The following CD86 variants were observed in gnomAD, a reference collection of about 807,000 sequenced individuals.
The protein encoded by CD86 is T-lymphocyte activation antigen CD86.
CD86 carries 11 observed loss-of-function variants against 32.1 expected under a neutral mutation model. That is an observed-to-expected ratio of 0.34 (90% confidence interval 0.22 to 0.57). CD86 has a LOEUF of 0.57. CD86 is among the 20% of genes least tolerant of loss of function. The pLI, the probability that CD86 is intolerant of heterozygous loss-of-function variation, is 0.86. For synonymous variants in CD86, 137 were observed against 135.3 expected, an observed-to-expected ratio of 1.01 and a Z score of -0.09; for missense variants, 359 against 398.4, an observed-to-expected ratio of 0.90 and a Z score of 0.84.
chr3:122,082,145 C>T (rs185820878), intron 1 of CD86, among the ~76,000 whole-genome samples: 77 of 152,306 alleles, frequency 5.1e-4, no homozygotes, highest in African/African-American at 1.5e-3. Context: ...TGTGTTATCA[C>T]CCCCACTTTG....
chr3:122,065,136 A>G (rs2681408), intron 1 of CD86, among the ~76,000 whole-genome samples: 120,849 of 152,074 alleles, frequency 0.79, 49,334 homozygotes, highest in Non-Finnish European at 0.89. Context: ...CAACACAACC[A>G]GGATTCCAAA....
intron 5 of CD86, among the ~76,000 whole-genome samples, chr3:122,114,499 G>A (rs888577743): frequency 1.3e-5 from 2 of 152,168 alleles, no homozygotes; most frequent in African/African-American, 4.8e-5. Context: ...GCTCTAGTTT[G>A]CTGCCTGGAG....
intron 1 of CD86, among the ~76,000 whole-genome samples, chr3:122,089,824 C>G (rs1341964850): frequency 1.3e-5 from 2 of 152,064 alleles, no homozygotes; most frequent in African/African-American, 4.8e-5. Context: ...TATTGTCATC[C>G]AATAGAATAC....
intron 4 of CD86, among the ~76,000 whole-genome samples, chr3:122,108,933 G>A (rs919392780): frequency 6.6e-6 from 1 of 152,196 alleles, no homozygotes; most frequent in Non-Finnish European, 1.5e-5. Flanking sequence ...ATGACTGCAC[G>A]TGCAGAGCCT....
intron 1 of CD86, among the ~76,000 whole-genome samples, chr3:122,075,776 G>A (rs1412736595): frequency 2.0e-5 from 3 of 152,060 alleles, no homozygotes; most frequent in Admixed American, 6.6e-5. Context: ...ATCATTCTAC[G>A]TTACAGCATT....
intron 1 of CD86, among the ~76,000 whole-genome samples, chr3:122,062,279 TG>T (rs1292974604): frequency 6.6e-6 from 1 of 152,116 alleles, no homozygotes; most frequent in African/African-American, 2.4e-5. Flanking sequence ...GGAATATGAA[TG>T]GGGAGAACAT....
chr3:122,077,051 G>A (rs774395175), intron 1 of CD86, among the ~76,000 whole-genome samples: 33 of 152,176 alleles, frequency 2.2e-4, no homozygotes, highest in Non-Finnish European at 2.9e-5. Context: ...ACAGGACACA[G>A]CTAGCCTCCA....
chr3:122,076,654 AC>A (rs1450422729), intron 1 of CD86, among the ~76,000 whole-genome samples: 1 of 152,162 alleles, frequency 6.6e-6, no homozygotes, highest in African/African-American at 2.4e-5. Flanking sequence ...CTGTTTACAG[AC>A]CTCTGTAGTG....
rs1476696945 is a variant in CD86, at chr3:122,118,056, A to T, written c.856A>T (p.Thr286Ser). 1 of 1,613,430 alleles carries T rather than the reference A, an allele frequency of 6.2e-7. No homozygotes were observed. Among genetic ancestry groups the T allele is most frequent in the African/African-American group, 1.3e-5 (1 of 75,030 alleles). Residue 286 changes from threonine to serine, a missense_variant, in exon 6 of 7, where the codon ACA becomes TCA. By Grantham distance (58) the Thr-to-Ser change is moderately conservative (BLOSUM62 1). Transcript: ENST00000330540. ...PRNSYKCGTN[T>S]MEREESEQTK... is the part of the protein sequence containing the mutation. Reference sequence around the variant, plus strand: ...TTCTTGGTGTCTTTCAGGAACCAACACAATGGAGAGGGAAGAGAGTGAACA... The same window carrying T: ...TTCTTGGTGTCTTTCAGGAACCAACTCAATGGAGAGGGAAGAGAGTGAACA...
chr3:122,071,952 T>C (rs1000050980), intron 1 of CD86, among the ~76,000 whole-genome samples: 7 of 142,154 alleles, frequency 4.9e-5, no homozygotes, highest in Non-Finnish European at 7.5e-5. Flanking sequence ...ATTGTTCAAC[T>C]CCTATCTATG....
At chr3:122,088,939 A>AAAAAT (rs2072769134) in intron 1 of CD86, among the ~76,000 whole-genome samples, 1 of 152,246 alleles carries the variant, frequency 6.6e-6, no homozygotes, top group Non-Finnish European at 1.5e-5. Flanking sequence ...AATGTCCATC[A>AAAAAT]AAAATGAATG....
rs924696225 is a variant in CD86 at position 122,091,767 on chromosome 3, T to C, written c.64+117T>C. The C allele has an allele frequency of 1.2e-5, 9 of 782,262 alleles. No individual in the cohort carries two copies. The Admixed American group carries it at 1.7e-4, about 15-fold the overall frequency. The allele number at this position is 782,262 out of a possible 1,614,324, so 48.5% of individuals were successfully genotyped here. On this transcript the variant is annotated intron_variant, in intron 2 of 6. Coordinates refer to ENST00000330540, the MANE Select transcript of CD86 (RefSeq NM_175862.5). ...TTTACTCACTTTCTACTGAGCATTGTACAAGACCACATGCAAAAAAGACTT... is the reference window on the plus strand; with the variant it reads ...TTTACTCACTTTCTACTGAGCATTGCACAAGACCACATGCAAAAAAGACTT...
chr3:122,115,078 G>C (rs951093610), intron 5 of CD86, among the ~76,000 whole-genome samples: 1 of 152,142 alleles, frequency 6.6e-6, no homozygotes, highest in Non-Finnish European at 1.5e-5. Context: ...AAGTAAAACT[G>C]TCTTTTTTCA....
intron 4 of CD86, among the ~76,000 whole-genome samples, chr3:122,107,049 G>A (rs917785360): frequency 6.6e-6 from 1 of 152,228 alleles, no homozygotes; most frequent in African/African-American, 2.4e-5. Context: ...TTAAAAGGTT[G>A]AATTGGAATC....
intron 1 of CD86, among the ~76,000 whole-genome samples, chr3:122,056,484 A>G (rs113006438): frequency 0.033 from 5,069 of 152,120 alleles, 267 homozygotes; most frequent in African/African-American, 0.12. Context: ...ACAGGCGCCC[A>G]CCACCACGCC....
At chr3:122,089,882 G>C (rs2072785105) in intron 1 of CD86, among the ~76,000 whole-genome samples, 1 of 152,198 alleles carries the variant, frequency 6.6e-6, no homozygotes, top group Non-Finnish European at 1.5e-5. Flanking sequence ...GTTACATGCT[G>C]ATACAGAATA....
chr3:122,090,580 G>A (rs999273011), intron 1 of CD86, among the ~76,000 whole-genome samples: 1 of 151,528 alleles, frequency 6.6e-6, no homozygotes. Context: ...TCCTGTATTT[G>A]GTTTGCTTTT....
intron 2 of CD86, among the ~76,000 whole-genome samples, chr3:122,101,925 C>T (rs2073016543): frequency 6.6e-6 from 1 of 152,086 alleles, no homozygotes; most frequent in African/African-American, 2.4e-5. Context: ...TACGCATCCT[C>T]TACAGGTGGT....
rs565395255 is a variant in CD86 at position 122,069,922 on chromosome 3, A to C, written c.14+14419A>C. On this transcript the variant is annotated intron_variant, in intron 1 of 6. Coordinates refer to ENST00000330540, the MANE Select transcript of CD86 (RefSeq NM_175862.5). Reference sequence around the variant, plus strand: ...CATCTTCCTCATTGCCCTTTCTGCTAAAGCAACTGCACATCTGAAGGCTAT... The same window carrying C: ...CATCTTCCTCATTGCCCTTTCTGCTCAAGCAACTGCACATCTGAAGGCTAT... Among the ~76,000 whole-genome samples the C allele has an allele frequency of 6.4e-4, 98 of 152,302 alleles. 1 individual carries two copies. Among genetic ancestry groups the C allele is most frequent in the Non-Finnish European group, 1.1e-3 (74 of 68,036 alleles).
Sources: allele counts gnomAD v4.1 joint callset (sites outside exome capture counted in the v4.1 genomes callset), GRCh38; gene constraint gnomAD v4.1.1; transcripts MANE v1.5; gene names NCBI Gene and HGNC (gene_info 2026-07-23, HGNC 2026-07-21).